The following ARMH4 variants were observed in gnomAD, a reference collection of about 807,000 sequenced individuals.
ARMH4 encodes armadillo-like helical domain-containing protein 4.
Under a neutral mutation model 61.9 loss-of-function variants are expected in ARMH4, and 49 were observed. That is an observed-to-expected ratio of 0.79 (90% CI 0.63 to 1.00). The LOEUF (loss-of-function observed/expected upper bound fraction) is 1.00, where lower values mean the gene tolerates loss of function less well. Ranked by LOEUF, ARMH4 falls within the 50% of genes least tolerant of loss-of-function variation. ARMH4 has a pLI of 0.00. For missense variants in ARMH4, 934 were observed against 930.0 expected (o/e 1.00, Z -0.06); for synonymous variants, 368 against 341.5 (o/e 1.08, Z -0.85).
chr14:58,103,459 C>G (rs1051746875), intron 4 of ARMH4, among the ~76,000 whole-genome samples: 4 of 152,068 alleles, frequency 2.6e-5, no homozygotes, highest in Non-Finnish European at 5.9e-5. Flanking sequence ...GGTCTTGGAC[C>G]CCTCAGCCTC....
At chr14:58,126,535 A>AT (rs1886900296) in intron 4 of ARMH4, among the ~76,000 whole-genome samples, 6 of 152,246 alleles carry the variant, frequency 3.9e-5, no homozygotes, top group Admixed American at 3.9e-4. Flanking sequence ...ATGTGCACAC[A>AT]TGAAGGCAGG....
At chr14:58,135,149 A>G (rs559081065) in intron 2 of ARMH4, among the ~76,000 whole-genome samples, 1 of 152,258 alleles carries the variant, frequency 6.6e-6, no homozygotes, top group Non-Finnish European at 1.5e-5. Context: ...AGATTTTTAC[A>G]TTTGATGGAT....
Position 58,041,147 on chromosome 14 carries a change from G to A in ARMH4, c.2090-28997C>T, listed in dbSNP as rs568445387. 3.3e-5 allele frequency among the ~76,000 whole-genome samples: 5 copies of A among 152,274 alleles called. No homozygotes were observed. In the South Asian group the frequency reaches 1.0e-3, roughly 32 times the overall value. On this transcript the variant is annotated intron_variant, in intron 5 of 7. Transcript: ENST00000267485. ...AGTGGGTGCAGCACACTGAGCATGAGCCAAAGCAGGGCGAGGCATCGCCTC... is the reference window on the plus strand; with the variant it reads ...AGTGGGTGCAGCACACTGAGCATGAACCAAAGCAGGGCGAGGCATCGCCTC...
Position 58,139,121 on chromosome 14 carries a change from C to A in ARMH4, c.238G>T (p.Val80Leu). Reference protein sequence around the residue: ...VSEDPMMMSAVPSATSLNKAF... With the variant: ...VSEDPMMMSALPSATSLNKAF... ...TTATTTAATGATGTTGCCGATGGTA[C>A]TGCTGACATCATCATTGGATCTTCA... Residue 80 changes from valine (V) to leucine (L), a missense_variant, in exon 2 of 8, where the codon GTA (valine) becomes TTA (leucine). Coordinates refer to ENST00000267485, the MANE Select transcript of ARMH4 (RefSeq NM_001001872.4). 1 of 1,614,240 alleles carries A rather than the reference C, an allele frequency of 6.2e-7. No individual in the cohort carries two copies.
intron 2 of ARMH4, among the ~76,000 whole-genome samples, chr14:58,133,942 T>TGC (rs1887215881): frequency 6.6e-6 from 1 of 152,216 alleles, no homozygotes; most frequent in African/African-American, 2.4e-5. Flanking sequence ...TGCTCAAGAA[T>TGC]GCAGGTTCCA....
In ARMH4 at chr14:58,133,164, C is replaced by T. The variant is rs753487373; in HGVS notation, c.1547G>A (p.Arg516Lys). 9.9e-6 allele frequency: 16 copies of T among 1,614,136 alleles called. No homozygotes were observed. Among genetic ancestry groups the T allele is most frequent in the Non-Finnish European group, 1.4e-5 (16 of 1,180,036 alleles). The change falls in exon 3 of 8, where the codon AGA (arginine) becomes AAA (lysine). Residue 516 changes from arginine to lysine, a missense_variant. By Grantham distance (26) the Arg-to-Lys change is conservative. Transcript: ENST00000267485. ...AATTGTAGTGGCCAGAGGCTCCCATCTTCTTGACAGCTGAGTAACACCAGG... is the reference window on the plus strand; with the variant it reads ...AATTGTAGTGGCCAGAGGCTCCCATTTTCTTGACAGCTGAGTAACACCAGG... Reference protein sequence around the residue: ...DVPGVTQLSRRWEPLATTIST... With the variant: ...DVPGVTQLSRKWEPLATTIST...
chr14:58,124,902 G>A (rs778542419), intron 4 of ARMH4, among the ~76,000 whole-genome samples: 6 of 152,048 alleles, frequency 3.9e-5, no homozygotes, highest in Non-Finnish European at 7.4e-5. Flanking sequence ...CTAAAATTAG[G>A]AGAAGGAAAA....
intron 4 of ARMH4, among the ~76,000 whole-genome samples, chr14:58,098,311 T>C (rs1163327327): frequency 1.3e-5 from 2 of 152,340 alleles, no homozygotes; most frequent in African/African-American, 4.8e-5. Context: ...CTGTCACTAT[T>C]CTAAAAATTC....
At position 58,087,875 on chromosome 14, in the gene ARMH4, C is replaced by T. The variant is rs189995519; in HGVS notation, c.2089+8849G>A. 1.5e-4 allele frequency among the ~76,000 whole-genome samples: 23 copies of T among 152,268 alleles called. No homozygotes were observed. In the South Asian group the frequency reaches 3.5e-3, roughly 23 times the overall value. On this transcript the variant is annotated intron_variant, in intron 5 of 7. Coordinates refer to ENST00000267485, the MANE Select transcript of ARMH4 (RefSeq NM_001001872.4). ...ATCTAGAACTGTTCATCAGAAGTCTCGTGAACATAAAAATAAAAGAAAAAC... is the reference window on the plus strand; with the variant it reads ...ATCTAGAACTGTTCATCAGAAGTCTTGTGAACATAAAAATAAAAGAAAAAC...
At chr14:58,141,082 A>C (rs772169196) in intron 1 of ARMH4, among the ~76,000 whole-genome samples, 4 of 152,168 alleles carry the variant, frequency 2.6e-5, no homozygotes, top group Non-Finnish European at 4.4e-5. Context: ...TGTTGTTTAT[A>C]AAAATCCAGT....
chr14:58,128,291 A>G (rs1370388422), intron 4 of ARMH4, among the ~76,000 whole-genome samples: 3 of 152,216 alleles, frequency 2.0e-5, no homozygotes, highest in Non-Finnish European at 4.4e-5. Context: ...GAAAGACATT[A>G]ATATTCAACA....
intron 5 of ARMH4, among the ~76,000 whole-genome samples, chr14:58,059,405 G>A (rs904839112): frequency 3.3e-5 from 5 of 152,194 alleles, no homozygotes; most frequent in African/African-American, 9.7e-5. Context: ...TGTAGAAAGC[G>A]GGGCAAGATT....
At chr14:58,069,021 A>G (rs563424545) in intron 5 of ARMH4, among the ~76,000 whole-genome samples, 74 of 151,876 alleles carry the variant, frequency 4.9e-4, no homozygotes, top group South Asian at 1.3e-3. Flanking sequence ...AAAAAAAAAA[A>G]AGAGAGACAG....
chr14:58,102,526 A>G (rs1193704564), intron 4 of ARMH4, among the ~76,000 whole-genome samples: 2 of 152,206 alleles, frequency 1.3e-5, no homozygotes, highest in African/African-American at 2.4e-5. Context: ...TATAAGAGTA[A>G]GGCGGCCGGG....
chr14:58,041,377 T>C (rs1223708235), intron 5 of ARMH4, among the ~76,000 whole-genome samples: 1 of 152,118 alleles, frequency 6.6e-6, no homozygotes, highest in African/African-American at 2.4e-5. Context: ...TAAAATACTT[T>C]ACAGACAAGC....
At chr14:58,103,690 T>C (rs1351198602) in intron 4 of ARMH4, among the ~76,000 whole-genome samples, 3 of 151,988 alleles carry the variant, frequency 2.0e-5, no homozygotes, top group Non-Finnish European at 2.9e-5. Context: ...CTGGGTTCAA[T>C]TGACCCTCCC....
At chr14:58,141,317 T>C in intron 1 of ARMH4, 1 of 443,178 alleles carries the variant, frequency 2.3e-6, no homozygotes, top group Non-Finnish European at 4.5e-6. Context: ...GGCAAGACCA[T>C]CACCCTTGAG....
intron 5 of ARMH4, among the ~76,000 whole-genome samples, chr14:58,093,084 G>T (rs76270705): frequency 2.6e-5 from 4 of 151,918 alleles, no homozygotes. Flanking sequence ...TTTTATAGGG[G>T]GCTTTTACCC....
At chr14:58,027,994 G>T (rs116617488) in intron 5 of ARMH4, among the ~76,000 whole-genome samples, 2 of 152,180 alleles carry the variant, frequency 1.3e-5, no homozygotes, top group South Asian at 2.1e-4. Context: ...GATAGCAGGT[G>T]AACAGGCCAG....
Sources: gnomAD v4.1 joint callset for allele counts (sites outside exome capture counted in the v4.1 genomes callset) on GRCh38, gnomAD v4.1.1 for gene constraint, MANE v1.5 for transcripts, NCBI Gene and HGNC (gene_info 2026-07-23, HGNC 2026-07-21) for gene names.